PLCL1: variants seen among roughly 807,000 people sequenced by gnomAD.
The protein encoded by PLCL1 is inactive phospholipase C-like protein 1.
In PLCL1, 41 loss-of-function variants were observed where a neutral mutation model predicts 84.4. That is an observed-to-expected ratio of 0.49 (90% confidence interval 0.38 to 0.63). PLCL1 has a LOEUF of 0.63. Ranked by LOEUF, PLCL1 falls within the 30% of genes least tolerant of loss-of-function variation. PLCL1 has a pLI of 0.00. For synonymous variants in PLCL1, 490 were observed against 488.3 expected (o/e 1.00, Z -0.05); for missense variants, 1,206 against 1,367.8 (o/e 0.88, Z 1.87).
chr2:198,014,047 G>T (rs528456959), intron 1 of PLCL1, among the ~76,000 whole-genome samples: 1 of 152,062 alleles, frequency 6.6e-6, no homozygotes. Context: ...CTAGGTAAAA[G>T]AATGTGAATG....
chr2:197,897,227 T>TTCTTCC (rs1470295211), intron 1 of PLCL1, among the ~76,000 whole-genome samples: 4 of 150,146 alleles, frequency 2.7e-5, no homozygotes, highest in South Asian at 4.3e-4. Context: ...CTTCTTCCTC[T>TTCTTCC]TCTTCTTCCT....
chr2:198,084,015 C>A lies in PLCL1; in HGVS notation c.498C>A (p.Ile166=). 1.2e-6 allele frequency: 2 copies of A among 1,614,162 alleles called. No homozygotes were observed. The highest frequency in any genetic ancestry group is 1.7e-6 in the Non-Finnish European group (2 of 1,180,014). The change falls in exon 2 of 6, where the codon ATC becomes ATA. Residue 166 remains isoleucine, a synonymous_variant. Coordinates refer to ENST00000428675, the MANE Select transcript of PLCL1 (RefSeq NM_006226.4). Reference sequence around the variant, plus strand: ...TTGATATTTCTGCCATAAAAGAGATCAGACTGGGGAAAAACACGGAAACAT... The same window carrying A: ...TTGATATTTCTGCCATAAAAGAGATAAGACTGGGGAAAAACACGGAAACAT... ...AKLDISAIKE[I]RLGKNTETFR...
intron 5 of PLCL1, among the ~76,000 whole-genome samples, chr2:198,109,945 T>A (rs1693574883): frequency 6.6e-6 from 1 of 151,342 alleles, no homozygotes; most frequent in Non-Finnish European, 1.5e-5. Flanking sequence ...ATTAAAGAAA[T>A]ATAATTAATA....
At chr2:198,005,313 G>A (rs1690703668) in intron 1 of PLCL1, among the ~76,000 whole-genome samples, 1 of 152,210 alleles carries the variant, frequency 6.6e-6, no homozygotes, top group African/African-American at 2.4e-5. Context: ...GATTTCAAAG[G>A]TGAAAATGCC....
intron 1 of PLCL1, among the ~76,000 whole-genome samples, chr2:197,982,338 A>G (rs1156995214): frequency 6.6e-6 from 1 of 152,154 alleles, no homozygotes; most frequent in Non-Finnish European, 1.5e-5. Context: ...TTTTATTGAT[A>G]ACCAAACACT....
At chr2:197,864,336 A>C (rs919672000) in intron 1 of PLCL1, among the ~76,000 whole-genome samples, 70 of 148,030 alleles carry the variant, frequency 4.7e-4, no homozygotes, top group Middle Eastern at 3.6e-3. Flanking sequence ...AACAAATCTC[A>C]TGTCAACTCT....
intron 1 of PLCL1, among the ~76,000 whole-genome samples, chr2:197,987,059 T>C (rs544423507): frequency 6.6e-6 from 1 of 152,364 alleles, no homozygotes; most frequent in Non-Finnish European, 1.5e-5. Context: ...TTTTGTCTGA[T>C]GTTAACTCTC....
intron 1 of PLCL1, among the ~76,000 whole-genome samples, chr2:197,975,711 C>T (rs1459245149): frequency 6.6e-6 from 1 of 152,068 alleles, no homozygotes; most frequent in African/African-American, 2.4e-5. Context: ...GAGGCTGAGG[C>T]AGGAGGATTG....
At chr2:197,908,929 T>C (rs1688434201) in intron 1 of PLCL1, among the ~76,000 whole-genome samples, 1 of 152,234 alleles carries the variant, frequency 6.6e-6, no homozygotes, top group Non-Finnish European at 1.5e-5. Context: ...AAGTATTTGA[T>C]TGTTTTGTTT....
intron 1 of PLCL1, among the ~76,000 whole-genome samples, chr2:198,076,453 G>A (rs991978632): frequency 1.3e-5 from 2 of 152,208 alleles, no homozygotes; most frequent in African/African-American, 4.8e-5. Flanking sequence ...AAACTTGCAT[G>A]CATACACTTA....
At chr2:198,146,540 C>T (rs755177255) in intron 5 of PLCL1, among the ~76,000 whole-genome samples, 3 of 152,094 alleles carry the variant, frequency 2.0e-5, no homozygotes, top group African/African-American at 4.8e-5. Context: ...GGAATCTCAA[C>T]GGACTGCCAG....
intron 1 of PLCL1, among the ~76,000 whole-genome samples, chr2:197,825,433 A>T (rs552918012): frequency 1.3e-5 from 2 of 152,326 alleles, no homozygotes; most frequent in East Asian, 3.9e-4. Flanking sequence ...ATAAGTTAGA[A>T]ACTATCCTAT....
Position 198,085,934 on chromosome 2 carries a change from A to T in PLCL1, c.2417A>T (p.Asp806Val). 6.2e-7 allele frequency: 1 copy of T among 1,614,070 alleles called. No homozygotes were observed. The highest frequency in any genetic ancestry group is 1.1e-5 in the South Asian group (1 of 91,070). ...FVVLDDDYIG[D>V]EFIGQYTIPF... is the part of the protein sequence containing the mutation. ...GTTCTGGATGATGACTACATTGGGG[A>T]TGAGTTTATAGGGCAATATACGATA... The change falls in exon 2 of 6, where the codon GAT becomes GTT. Residue 806 changes from aspartate to valine, a missense_variant. Physicochemically the swap from Asp to Val is radical, Grantham distance 152. Coordinates refer to ENST00000428675, the MANE Select transcript of PLCL1 (RefSeq NM_006226.4). The surrounding 1 kb of genome is among the most constrained non-coding windows in gnomAD (Gnocchi z 5.3).
chr2:198,121,548 A>G (rs924657394), intron 5 of PLCL1, among the ~76,000 whole-genome samples: 1 of 152,080 alleles, frequency 6.6e-6, no homozygotes, highest in African/African-American at 2.4e-5. Flanking sequence ...TCCCAGCACC[A>G]TTATTGAAGA....
chr2:197,957,156 A>G lies in PLCL1; in HGVS notation c.241-126602A>G, dbSNP rs78594166. Among the ~76,000 whole-genome samples, 1,453 of 152,020 alleles carry G rather than the reference A, an allele frequency of 9.6e-3. 26 individuals carry two copies. Among genetic ancestry groups the G allele is most frequent in the African/African-American group, 0.033 (1,381 of 41,500 alleles). On this transcript the variant is annotated intron_variant, in intron 1 of 5. Coordinates refer to ENST00000428675, the MANE Select transcript of PLCL1 (RefSeq NM_006226.4). ...CTTTTAATTCCATACATTTTTTTCC[A>G]ACTCACTTCCACTAGGAATTATCTT...
chr2:198,058,801 AT>A (rs1692124331), intron 1 of PLCL1, among the ~76,000 whole-genome samples: 1 of 152,102 alleles, frequency 6.6e-6, no homozygotes, highest in African/African-American at 2.4e-5. Context: ...GCTTTATTTT[AT>A]TTTATTCTAT....
rs1693133409 is a variant in PLCL1, at chr2:198,094,249, G to C, written c.2919+5188G>C. 3.9e-5 allele frequency among the ~76,000 whole-genome samples: 6 copies of C among 152,218 alleles called. No homozygotes were observed. In the South Asian group the frequency reaches 1.2e-3, roughly 32 times the overall value. On this transcript the variant is annotated intron_variant, in intron 3 of 5. Transcript: ENST00000428675. ...GCTAATTTTTTGTATTTTTAGTAGAGACAGGGTTTCACCATGTTAGCCAGG... is the reference window on the plus strand; with the variant it reads ...GCTAATTTTTTGTATTTTTAGTAGACACAGGGTTTCACCATGTTAGCCAGG...
chr2:198,109,037 A>G (rs1450877887), intron 5 of PLCL1, among the ~76,000 whole-genome samples: 1 of 151,844 alleles, frequency 6.6e-6, no homozygotes, highest in Non-Finnish European at 1.5e-5. Context: ...ATGTTAAAAG[A>G]CCTTTCCCTC....
chr2:198,085,189 G>A lies in PLCL1; in HGVS notation c.1672G>A (p.Glu558Lys), dbSNP rs1395386601. 3.1e-6 allele frequency: 5 copies of A among 1,613,700 alleles called. No homozygotes were observed. Among genetic ancestry groups the A allele is most frequent in the Non-Finnish European group, 4.2e-6 (5 of 1,179,872 alleles). Reference sequence around the variant, plus strand: ...TGTGTTAGAAGGAGAAGTAACAGATGAAGATGAAGAAGCTGAAATGTCTCG... The same window carrying A: ...TGTGTTAGAAGGAGAAGTAACAGATAAAGATGAAGAAGCTGAAATGTCTCG... The part of the protein sequence containing the change: ...PDVLEGEVTD[E>K]DEEAEMSRRM... The change falls in exon 2 of 6, where the codon GAA (glutamate) becomes AAA (lysine). Residue 558 changes from glutamate (E) to lysine (K), a missense_variant. Transcript: ENST00000428675. The surrounding 1 kb of genome is among the most constrained non-coding windows in gnomAD (Gnocchi z 5.3).
Sources: gnomAD v4.1 joint callset for allele counts (sites outside exome capture counted in the v4.1 genomes callset) on GRCh38, gnomAD v4.1.1 for gene constraint, Gnocchi (gnomAD v3.1) non-coding constraint, MANE v1.5 for transcripts, NCBI Gene and HGNC (gene_info 2026-07-23, HGNC 2026-07-21) for gene names.